KCNC4: variants seen among roughly 807,000 people sequenced by gnomAD.
KCNC4 encodes voltage-gated potassium channel KCNC4.
A neutral mutation model predicts 42.8 loss-of-function variants in KCNC4; 23 were observed. The ratio of observed to expected loss-of-function variants is 0.54; its 90% CI spans 0.39 to 0.76. The LOEUF is 0.76. KCNC4 is among the 30% of genes least tolerant of loss of function. The pLI, the probability that KCNC4 is intolerant of heterozygous loss-of-function variation, is 0.00. For synonymous variants in KCNC4, 422 were observed against 393.5 expected, an observed-to-expected ratio of 1.07 and a Z score of -0.86; for missense variants, 751 against 898.2, an observed-to-expected ratio of 0.84 and a Z score of 2.10.
intron 3 of KCNC4, chr1:110,232,670 T>C: frequency 2.0e-6 from 3 of 1,466,388 alleles, no homozygotes; most frequent in Non-Finnish European, 2.7e-6. Context: ...GTTCACCCCA[T>C]TCCCTGACCC....
chr1:110,228,208 T>C (rs1658506620), intron 3 of KCNC4, among the ~76,000 whole-genome samples: 1 of 152,166 alleles, frequency 6.6e-6, no homozygotes, highest in Non-Finnish European at 1.5e-5. Context: ...TATCAGAGTG[T>C]CAGTTCCCTG....
At chr1:110,275,616 G>A (rs1308316561) in intron 1 of KCNC4, among the ~76,000 whole-genome samples, 3 of 152,098 alleles carry the variant, frequency 2.0e-5, no homozygotes, top group East Asian at 3.8e-4. Flanking sequence ...ATCAATGGAG[G>A]ACTGGATAAA....
intron 1 of KCNC4, among the ~76,000 whole-genome samples, chr1:110,281,553 AAAAC>A (rs1553219343): frequency 0.04 from 4,688 of 117,580 alleles, 162 homozygotes; most frequent in Admixed American, 0.13. Context: ...CACATATGTA[AAAAC>A]ACACACACAC....
At chr1:110,273,828 G>A (rs1297290851) in intron 1 of KCNC4, among the ~76,000 whole-genome samples, 1 of 152,186 alleles carries the variant, frequency 6.6e-6, no homozygotes, top group Non-Finnish European at 1.5e-5. Context: ...TTGTCTCTAA[G>A]TTCTCTGGAT....
chr1:110,211,392 T>TCCTGCCTCCTCTTCGTCTCCTCCC lies in KCNC4; in HGVS notation c.-104_-81dup, dbSNP rs1657435491. The TCCTGCCTCCTCTTCGTCTCCTCCC allele has an allele frequency of 6.9e-7, 1 of 1,452,626 alleles. No homozygotes were observed. The highest frequency in any genetic ancestry group is 1.4e-5 in the African/African-American group (1 of 70,362). 90.0% of individuals were successfully genotyped at this position (1,452,626 alleles called of 1,614,324 possible). ...AGCCGCAGAGGGGGCCGCCACCGCCTCCTGCCTCCTCTTCGTCTCCTCCCC... is the reference window on the plus strand; with the variant it reads ...AGCCGCAGAGGGGGCCGCCACCGCCTCCTGCCTCCTCTTCGTCTCCTCCCCCTGCCTCCTCTTCGTCTCCTCCCC... On this transcript the variant is annotated 5_prime_UTR_variant, in exon 1 of 4. Transcript: ENST00000438661. The surrounding 1 kb of genome is among the most constrained non-coding windows in gnomAD (Gnocchi z 6.5).
rs147394150 is a variant in KCNC4 at position 110,270,485 on chromosome 1, G to A, written n.31-12049G>A. Among the ~76,000 whole-genome samples, 1,451 of 152,276 alleles carry A rather than the reference G, an allele frequency of 9.5e-3. 18 individuals carry two copies. Among genetic ancestry groups the A allele is most frequent in the African/African-American group, 0.034 (1,396 of 41,526 alleles). ...TAATAATCTCAGGGTGGACTTAGAGGCAGCCTGATGACCCTGTCCACATAG... is the reference window on the plus strand; with the variant it reads ...TAATAATCTCAGGGTGGACTTAGAGACAGCCTGATGACCCTGTCCACATAG... On this transcript the variant is annotated intron_variant and non_coding_transcript_variant, in intron 1 of 2. Coordinates refer to the KCNC4 transcript ENST00000412512.
intron 1 of KCNC4, among the ~76,000 whole-genome samples, chr1:110,219,451 G>A (rs1012945251): frequency 1.6e-4 from 24 of 152,208 alleles, no homozygotes; most frequent in Non-Finnish European, 2.2e-4. Context: ...GCAGGGCCAG[G>A]ATGAGGAATC....
exon 4 of KCNC4, chr1:110,244,092 G>A (rs986641424): frequency 6.6e-6 from 1 of 152,224 alleles, no homozygotes; most frequent in African/African-American, 2.4e-5. Flanking sequence ...ACCACTCTGG[G>A]TTCTTATTCT....
rs1657435677 is a variant in KCNC4 at position 110,211,396 on chromosome 1, G to T, written c.-104G>T. 2 of 1,462,968 alleles carry T rather than the reference G, an allele frequency of 1.4e-6. No homozygotes were observed. The highest frequency in any genetic ancestry group is 2.8e-5 in the African/African-American group (2 of 70,708). 90.6% of individuals were successfully genotyped at this position (1,462,968 alleles called of 1,614,324 possible). A position where few individuals can be genotyped will look rare whatever the true frequency, so the allele number is the denominator to read the frequency against. Reference sequence around the variant, plus strand: ...GCAGAGGGGGCCGCCACCGCCTCCTGCCTCCTCTTCGTCTCCTCCCCCTCC... The same window carrying T: ...GCAGAGGGGGCCGCCACCGCCTCCTTCCTCCTCTTCGTCTCCTCCCCCTCC... On this transcript the variant is annotated 5_prime_UTR_variant, in exon 1 of 4. Transcript: ENST00000438661. This position sits in a 1 kb window ranked among gnomAD's most constrained non-coding sequence, Gnocchi z 6.5.
At chr1:110,259,012 G>A (rs1370776745) in intron 1 of KCNC4, among the ~76,000 whole-genome samples, 1 of 152,240 alleles carries the variant, frequency 6.6e-6, no homozygotes, top group Non-Finnish European at 1.5e-5. Flanking sequence ...GGTGGATGCT[G>A]TGGCTCTGTG....
chr1:110,232,244 C>A, intron 3 of KCNC4: 1 of 1,614,036 alleles, frequency 6.2e-7, no homozygotes, highest in Non-Finnish European at 8.5e-7. Flanking sequence ...CCGTGACCTT[C>A]CCCTTCAGCA....
chr1:110,234,421 C>T (rs11102065), downstream of KCNC4: 57,744 of 152,096 alleles, frequency 0.38, 11,584 homozygotes, highest in Admixed American at 0.45. Flanking sequence ...TGGGCCAAGA[C>T]CCTGGGGACG....
chr1:110,225,388 T>C (rs1165157234), intron 2 of KCNC4: 1 of 152,300 alleles, frequency 6.6e-6, no homozygotes, highest in Non-Finnish European at 1.5e-5. Flanking sequence ...GAGAGCTGCG[T>C]CGGAGCTTTT....
chr1:110,249,406 G>A (rs116067466), downstream of KCNC4, among the ~76,000 whole-genome samples: 1 of 152,202 alleles, frequency 6.6e-6, no homozygotes, highest in Non-Finnish European at 1.5e-5. Context: ...AGAAGCTGTT[G>A]ATTTGTATGC....
intron 1 of KCNC4, among the ~76,000 whole-genome samples, chr1:110,260,835 G>C (rs772127030): frequency 2.0e-5 from 3 of 152,168 alleles, no homozygotes; most frequent in Non-Finnish European, 4.4e-5. Flanking sequence ...GAGGCTGAGG[G>C]AGGAGAATGG....
At chr1:110,241,082 G>T (rs1008179529) in exon 4 of KCNC4, 4 of 152,350 alleles carry the variant, frequency 2.6e-5, no homozygotes, top group African/African-American at 9.7e-5. Flanking sequence ...AGGTAAGAAG[G>T]CTCCAGTGAT....
intron 2 of KCNC4, chr1:110,225,575 G>A (rs993796296): frequency 5.8e-6 from 1 of 172,570 alleles, no homozygotes; most frequent in African/African-American, 2.4e-5. Flanking sequence ...CCGCTAGCAA[G>A]CCAGGTATTC....
chr1:110,264,109 G>A lies in KCNC4; in HGVS notation n.31-18425G>A, dbSNP rs115237997. 3.0e-3 allele frequency among the ~76,000 whole-genome samples: 463 copies of A among 152,252 alleles called. 2 individuals are homozygous for A. Among genetic ancestry groups the A allele is most frequent in the African/African-American group, 9.5e-3 (395 of 41,528 alleles). ...CATTGGGACTGCAATGAAAGAAACC[G>A]AGGCATTTATTGTAGGGCACCAAGC... On this transcript the variant is annotated intron_variant and non_coding_transcript_variant, in intron 1 of 2. Transcript: ENST00000412512.
chr1:110,250,226 G>A (rs146271565), downstream of KCNC4, among the ~76,000 whole-genome samples: 75 of 151,982 alleles, frequency 4.9e-4, no homozygotes, highest in East Asian at 9.7e-3. Context: ...TTAGCTCAAC[G>A]CTCTTCTCCA....
Sources: allele counts gnomAD v4.1 joint callset (sites outside exome capture counted in the v4.1 genomes callset), GRCh38; gene constraint gnomAD v4.1.1; non-coding constraint Gnocchi (gnomAD v3.1); transcripts MANE v1.5; gene names NCBI Gene and HGNC (gene_info 2026-07-23, HGNC 2026-07-21).